Variants in B3GALT1 observed in about 807,000 individuals in gnomAD.
B3GALT1 encodes the protein beta-1,3-galactosyltransferase 1.
Under a neutral mutation model 23.2 loss-of-function variants are expected in B3GALT1, and 10 were observed. The ratio of observed to expected loss-of-function variants is 0.43; its 90% CI spans 0.27 to 0.73. B3GALT1 has a LOEUF of 0.73. Ranked by LOEUF, B3GALT1 falls within the 30% of genes least tolerant of loss-of-function variation. The probability of loss-of-function intolerance (pLI) is 0.21; values close to 1 mark genes in which losing one functional copy is unlikely to be tolerated. For synonymous variants in B3GALT1, 156 were observed against 141.5 expected, an observed-to-expected ratio of 1.10 and a Z score of -0.73; for missense variants, 299 against 405.4, an observed-to-expected ratio of 0.74 and a Z score of 2.25.
chr2:167,442,063 T>A (rs1419901287), intron 1 of B3GALT1, among the ~76,000 whole-genome samples: 1 of 148,984 alleles, frequency 6.7e-6, no homozygotes, highest in East Asian at 2.0e-4. Context: ...CAGAGTGTGA[T>A]GTTCCCCTTC....
At chr2:167,522,905 A>G (rs1243805769) in intron 2 of B3GALT1, among the ~76,000 whole-genome samples, 1 of 152,192 alleles carries the variant, frequency 6.6e-6, no homozygotes, top group Non-Finnish European at 1.5e-5. Context: ...AAAGCATTCT[A>G]AAGCATGAAG....
intron 1 of B3GALT1, among the ~76,000 whole-genome samples, chr2:167,318,163 C>T (rs1053091743): frequency 6.6e-6 from 1 of 151,888 alleles, no homozygotes; most frequent in Admixed American, 6.6e-5. Context: ...CCCGTCTCTA[C>T]TAAAAATACA....
intron 2 of B3GALT1, among the ~76,000 whole-genome samples, chr2:167,610,122 T>C (rs975445594): frequency 8.5e-5 from 13 of 152,138 alleles, no homozygotes; most frequent in African/African-American, 3.1e-4. Context: ...TGCTATCTTT[T>C]AGCGAATGTT....
At chr2:167,599,861 T>G (rs1234338052) in intron 2 of B3GALT1, among the ~76,000 whole-genome samples, 2 of 152,192 alleles carry the variant, frequency 1.3e-5, no homozygotes, top group Non-Finnish European at 2.9e-5. Flanking sequence ...GAAAGTTAGT[T>G]TTATCCAGAG....
At chr2:167,444,244 T>G (rs1698945147) in intron 1 of B3GALT1, among the ~76,000 whole-genome samples, 1 of 152,218 alleles carries the variant, frequency 6.6e-6, no homozygotes, top group South Asian at 2.1e-4. Flanking sequence ...ATAAGCTTTT[T>G]GATGTGCTGC....
chr2:167,792,860 ATT>A (rs371433634), intron 3 of B3GALT1, among the ~76,000 whole-genome samples: 7,477 of 144,246 alleles, frequency 0.052, 210 homozygotes, highest in South Asian at 0.09. Flanking sequence ...GGGGAACAGA[ATT>A]TTTTTTTTTT....
At chr2:167,469,479 G>A (rs192899755) in intron 1 of B3GALT1, among the ~76,000 whole-genome samples, 232 of 152,238 alleles carry the variant, frequency 1.5e-3, no homozygotes, top group African/African-American at 5.2e-3. Flanking sequence ...AATTAAAATG[G>A]TTTTATTCAC....
chr2:167,397,892 A>G (rs553816933), intron 1 of B3GALT1, among the ~76,000 whole-genome samples: 7 of 152,262 alleles, frequency 4.6e-5, no homozygotes, highest in Non-Finnish European at 1.0e-4. Context: ...AACCTAAGAA[A>G]GAAGGCAAGA....
At chr2:167,436,217 T>C (rs1211764071) in intron 1 of B3GALT1, among the ~76,000 whole-genome samples, 1 of 152,178 alleles carries the variant, frequency 6.6e-6, no homozygotes, top group Admixed American at 6.5e-5. Flanking sequence ...AATCTGGCTC[T>C]TGATGACACT....
chr2:167,575,878 T>C (rs1684372995), intron 2 of B3GALT1, among the ~76,000 whole-genome samples: 1 of 151,698 alleles, frequency 6.6e-6, no homozygotes, highest in Non-Finnish European at 1.5e-5. Flanking sequence ...AAACAGGGAG[T>C]TCACGTTTTC....
chr2:167,510,366 T>G (rs1176384927), intron 2 of B3GALT1, among the ~76,000 whole-genome samples: 1 of 152,040 alleles, frequency 6.6e-6, no homozygotes, highest in Non-Finnish European at 1.5e-5. Context: ...ATGTGATTTT[T>G]TAATGGAACC....
intron 3 of B3GALT1, among the ~76,000 whole-genome samples, chr2:167,770,262 G>A (rs1285827844): frequency 2.6e-5 from 4 of 152,046 alleles, no homozygotes; most frequent in Admixed American, 6.6e-5. Flanking sequence ...ATGTGCCACC[G>A]CACCTGGCTG....
At chr2:167,308,139 A>G (rs994025498) in intron 1 of B3GALT1, among the ~76,000 whole-genome samples, 1 of 152,054 alleles carries the variant, frequency 6.6e-6, no homozygotes, top group East Asian at 1.9e-4. Context: ...TACTTAATAA[A>G]ACCTTAGGCA....
At chr2:167,565,565 C>A (rs1416848361) in intron 2 of B3GALT1, among the ~76,000 whole-genome samples, 1 of 152,146 alleles carries the variant, frequency 6.6e-6, no homozygotes, top group East Asian at 1.9e-4. Context: ...TCAGAGTGAA[C>A]AGGCAACCTA....
At chr2:167,520,256 T>C (rs1395539896) in intron 2 of B3GALT1, among the ~76,000 whole-genome samples, 2 of 152,172 alleles carry the variant, frequency 1.3e-5, no homozygotes, top group Non-Finnish European at 2.9e-5. Flanking sequence ...AATTTAACCA[T>C]GTAATGCAGT....
At chr2:167,457,453 G>A (rs571734088) in intron 1 of B3GALT1, among the ~76,000 whole-genome samples, 19 of 151,996 alleles carry the variant, frequency 1.3e-4, no homozygotes, top group Admixed American at 9.2e-4. Context: ...GATTATAGAC[G>A]TGAGCCACCA....
At chr2:167,475,139 C>T (rs973819553) in intron 1 of B3GALT1, among the ~76,000 whole-genome samples, 4 of 152,108 alleles carry the variant, frequency 2.6e-5, no homozygotes, top group Non-Finnish European at 5.9e-5. Context: ...TAGTAAATTT[C>T]GGAAATCAAG....
intron 3 of B3GALT1, among the ~76,000 whole-genome samples, chr2:167,663,214 G>GT (rs1391034082): frequency 4.7e-5 from 7 of 149,118 alleles, no homozygotes; most frequent in Non-Finnish European, 8.9e-5. Flanking sequence ...GCGGTGTTTG[G>GT]TTTTTTGTTC....
chr2:167,353,170 C>T (rs1049164329), intron 1 of B3GALT1, among the ~76,000 whole-genome samples: 2 of 152,152 alleles, frequency 1.3e-5, no homozygotes, highest in African/African-American at 4.8e-5. Flanking sequence ...AACATAGTTC[C>T]TCCTCTTTTA....
Sources: allele counts gnomAD v4.1 joint callset (sites outside exome capture counted in the v4.1 genomes callset), GRCh38; gene constraint gnomAD v4.1.1; transcripts MANE v1.5; gene names NCBI Gene and HGNC (gene_info 2026-07-23, HGNC 2026-07-21).